The following OR10H5 variants were observed in gnomAD, a reference collection of about 807,000 sequenced individuals.
OR10H5 encodes the protein olfactory receptor 10H5.
OR10H5 carries 7 observed loss-of-function variants against 12.2 expected under a neutral mutation model. The observed-to-expected ratio is 0.57, with a 90% CI of 0.33 to 1.07. The LOEUF (loss-of-function observed/expected upper bound fraction) is 1.07, where lower values mean the gene tolerates loss of function less well. OR10H5 is among the 50% of genes least tolerant of loss of function. OR10H5 has a pLI of 0.04. For synonymous variants in OR10H5, 159 were observed against 175.1 expected (o/e 0.91, Z 0.73); for missense variants, 346 against 411.6 (o/e 0.84, Z 1.38).
chr19:15,790,858 T>C (rs1332268797), intron 1 of OR10H5, among the ~76,000 whole-genome samples: 1 of 152,238 alleles, frequency 6.6e-6, no homozygotes, highest in Middle Eastern at 3.4e-3. Context: ...TGAGAGATAG[T>C]TAGTGACAAT....
At chr19:15,793,263 A>G (rs940163163) in intron 1 of OR10H5, among the ~76,000 whole-genome samples, 1 of 152,060 alleles carries the variant, frequency 6.6e-6, no homozygotes, top group Non-Finnish European at 1.5e-5. Flanking sequence ...AGGACCACAG[A>G]CATGCACCAC....
At chr19:15,793,109 G>GTTTGTT (rs768712963) in intron 1 of OR10H5, among the ~76,000 whole-genome samples, 294 of 152,230 alleles carry the variant, frequency 1.9e-3, no homozygotes, top group Non-Finnish European at 3.3e-3. Context: ...CCTTTACACA[G>GTTTGTT]TTTGTTTTTG....
Position 15,795,318 on chromosome 19 carries a change from C to CTTTTGT in OR10H5, c.*344_*349dup, listed in dbSNP as rs533688725. ...GTCACTCTCTTTCTCCCTCCTTGTTCTTTTGTTTTTGTTTTTGTTTTTGTT... is the reference window on the plus strand; with the variant it reads ...GTCACTCTCTTTCTCCCTCCTTGTTCTTTTGTTTTTGTTTTTGTTTTTGTTTTTGTT... On this transcript the variant is annotated 3_prime_UTR_variant, in exon 2 of 2. Transcript: ENST00000642092. The CTTTTGT allele has an allele frequency of 3.6e-5, 11 of 306,724 alleles. No homozygotes were observed. In the East Asian group the frequency reaches 5.4e-4, roughly 15 times the overall value. The allele number at this position is 306,724 out of a possible 1,614,324, so 19.0% of individuals were successfully genotyped here. A position where few individuals can be genotyped will look rare whatever the true frequency, so the allele number is the denominator to read the frequency against.
intron 1 of OR10H5, among the ~76,000 whole-genome samples, chr19:15,789,628 C>T (rs1386820893): frequency 1.3e-5 from 2 of 152,168 alleles, no homozygotes; most frequent in Non-Finnish European, 2.9e-5. Context: ...GGACCCTGAC[C>T]TTTGTCCTTC....
chr19:15,795,109 T>G lies in OR10H5; in HGVS notation c.*113T>G, dbSNP rs1218445489. 3 of 898,932 alleles carry G rather than the reference T, an allele frequency of 3.3e-6. No individual in the cohort carries two copies. The highest frequency in any genetic ancestry group is 3.3e-6 in the Non-Finnish European group (2 of 614,514). The allele number at this position is 898,932 out of a possible 1,614,324, so 55.7% of individuals were successfully genotyped here. A position where few individuals can be genotyped will look rare whatever the true frequency, so the allele number is the denominator to read the frequency against. ...TTCCTCCCTCCCTCCCTTCCTTCCTTCTTTCCTTCCTCCCTCCCTCCTTTC... is the reference window on the plus strand; with the variant it reads ...TTCCTCCCTCCCTCCCTTCCTTCCTGCTTTCCTTCCTCCCTCCCTCCTTTC... On this transcript the variant is annotated 3_prime_UTR_variant, in exon 2 of 2. Transcript: ENST00000642092.
At position 15,794,946 on chromosome 19, in the gene OR10H5, G is replaced by A. The variant is rs1448617306; in HGVS notation, c.898G>A (p.Val300Ile). 9 of 1,614,056 alleles carry A rather than the reference G, an allele frequency of 5.6e-6. No individual in the cohort carries two copies. In the Admixed American group the frequency reaches 1.2e-4, roughly 21 times the overall value. The part of the protein sequence containing the change: ...IFSLRNKELK[V>I]AMKKTCFTKL... Reference sequence around the variant, plus strand: ...CAGCCTCAGGAACAAGGAGCTGAAGGTCGCCATGAAGAAGACTTGCTTCAC... The same window carrying A: ...CAGCCTCAGGAACAAGGAGCTGAAGATCGCCATGAAGAAGACTTGCTTCAC... The change falls in exon 2 of 2, where the codon GTC becomes ATC. Residue 300 changes from valine to isoleucine, a missense_variant. Coordinates refer to ENST00000642092, the MANE Select transcript of OR10H5 (RefSeq NM_001004466.2).
rs2088834100 is a variant in OR10H5 at position 15,795,184 on chromosome 19, G to C, written c.*188G>C. The C allele has an allele frequency of 2.2e-6, 1 of 461,038 alleles. No individual in the cohort carries two copies. Among genetic ancestry groups the C allele is most frequent in the African/African-American group, 3.4e-5 (1 of 29,172 alleles). 28.6% of individuals were successfully genotyped at this position (461,038 alleles called of 1,614,324 possible). ...CCACCCTCCCTCCCCCCTCCTCCTT[G>C]CCTTCCTTCCATCCTTCCTCCCTCC... On this transcript the variant is annotated 3_prime_UTR_variant, in exon 2 of 2. Transcript: ENST00000642092.
rs1167680610 is a variant in OR10H5, at chr19:15,800,171, G to A, written c.*5175G>A. On this transcript the variant is annotated 3_prime_UTR_variant, in exon 2 of 2. Coordinates refer to ENST00000642092, the MANE Select transcript of OR10H5 (RefSeq NM_001004466.2). ...CATAGCAACTCACTTAGGTCCCTCA[G>A]AGCTTTTATCACAAGTTCCCATATA... 1.3e-5 allele frequency: 2 copies of A among 152,092 alleles called. No individual in the cohort carries two copies. The highest frequency in any genetic ancestry group is 2.4e-5 in the African/African-American group (1 of 41,384). The allele number at this position is 152,092 out of a possible 1,614,324, so 9.4% of individuals were successfully genotyped here. A position where few individuals can be genotyped will look rare whatever the true frequency, so the allele number is the denominator to read the frequency against.
rs1226129773 is a variant in OR10H5 at position 15,799,839 on chromosome 19, T to C, written c.*4843T>C. On this transcript the variant is annotated 3_prime_UTR_variant, in exon 2 of 2. Transcript: ENST00000642092. ...TTCTCCTGTGTCAGACTCCCTGGAA[T>C]TACAGGCGTGCCACCATGCCTGGCT... 2.6e-5 allele frequency: 4 copies of C among 152,026 alleles called. No individual in the cohort carries two copies. The highest frequency in any genetic ancestry group is 4.8e-5 in the African/African-American group (2 of 41,378). The allele number at this position is 152,026 out of a possible 1,614,324, so 9.4% of individuals were successfully genotyped here.
At chr19:15,793,099 C>A (rs996787885) in intron 1 of OR10H5, among the ~76,000 whole-genome samples, 1 of 152,018 alleles carries the variant, frequency 6.6e-6, no homozygotes, top group Non-Finnish European at 1.5e-5. Flanking sequence ...CTTATTTAAA[C>A]CTTTACACAG....
chr19:15,794,062 A>G lies in OR10H5; in HGVS notation c.14A>G (p.Asn5Ser), dbSNP rs530907364. Reference protein sequence around the residue: MQGLNHTSVSEFILV... With the variant: MQGLSHTSVSEFILV... ...GGGGTGGCCGCCATGCAGGGGCTAAACCACACCTCCGTGTCTGAATTCATC... is the reference window on the plus strand; with the variant it reads ...GGGGTGGCCGCCATGCAGGGGCTAAGCCACACCTCCGTGTCTGAATTCATC... The change falls in exon 2 of 2, where the codon AAC (asparagine) becomes AGC (serine). Residue 5 changes from asparagine to serine, a missense_variant. Coordinates refer to ENST00000642092, the MANE Select transcript of OR10H5 (RefSeq NM_001004466.2). The G allele has an allele frequency of 1.9e-6, 3 of 1,613,204 alleles. No individual in the cohort carries two copies. The East Asian group carries it at 6.7e-5, about 36-fold the overall frequency.
rs924320259 is a variant in OR10H5 at position 15,797,393 on chromosome 19, G to A, written c.*2397G>A. The A allele has an allele frequency of 1.3e-5, 2 of 152,202 alleles. No homozygotes were observed. Among genetic ancestry groups the A allele is most frequent in the Non-Finnish European group, 2.9e-5 (2 of 68,054 alleles). The allele number at this position is 152,202 out of a possible 1,614,324, so 9.4% of individuals were successfully genotyped here. ...AACAGGTAAAAATCAGACTGTGTGA[G>A]TTTGAAAGAGTGCAGGAAAGGTGGC... On this transcript the variant is annotated 3_prime_UTR_variant, in exon 2 of 2. Transcript: ENST00000642092.
Position 15,798,956 on chromosome 19 carries a change from C to T in OR10H5, c.*3960C>T, listed in dbSNP as rs2088854288. The T allele has an allele frequency of 6.6e-6, 1 of 152,050 alleles. No homozygotes were observed. The highest frequency in any genetic ancestry group is 1.5e-5 in the Non-Finnish European group (1 of 68,018). 9.4% of individuals were successfully genotyped at this position (152,050 alleles called of 1,614,324 possible). ...ATTTTTAGTAGAGACGGGGTTTCGCCATGTTAGCCAGACTGGTCTCGGACT... is the reference window on the plus strand; with the variant it reads ...ATTTTTAGTAGAGACGGGGTTTCGCTATGTTAGCCAGACTGGTCTCGGACT... On this transcript the variant is annotated 3_prime_UTR_variant, in exon 2 of 2. Coordinates refer to ENST00000642092, the MANE Select transcript of OR10H5 (RefSeq NM_001004466.2).
rs2088851730 is a variant in OR10H5, at chr19:15,798,450, T to C, written c.*3454T>C. ...GCCTTGATAATGGTCCCCTCTGTGATTGGTATCCCCAAGGCAGGACCAGAG... is the reference window on the plus strand; with the variant it reads ...GCCTTGATAATGGTCCCCTCTGTGACTGGTATCCCCAAGGCAGGACCAGAG... On this transcript the variant is annotated 3_prime_UTR_variant, in exon 2 of 2. Coordinates refer to ENST00000642092, the MANE Select transcript of OR10H5 (RefSeq NM_001004466.2). 6.6e-6 allele frequency: 1 copy of C among 152,142 alleles called. No homozygotes were observed. Among genetic ancestry groups the C allele is most frequent in the Non-Finnish European group, 1.5e-5 (1 of 68,072 alleles). 9.4% of individuals were successfully genotyped at this position (152,142 alleles called of 1,614,324 possible).
chr19:15,791,695 ATTTT>A (rs35311102), intron 1 of OR10H5, among the ~76,000 whole-genome samples: 1 of 143,836 alleles, frequency 7.0e-6, no homozygotes. Context: ...AATTATTATT[ATTTT>A]TTTTTTTTTT....
At position 15,799,454 on chromosome 19, in the gene OR10H5, AT is replaced by A. The variant is rs1226828836; in HGVS notation, c.*4464del. 2.6e-5 allele frequency: 4 copies of A among 151,924 alleles called. No individual in the cohort carries two copies. The highest frequency in any genetic ancestry group is 1.3e-4 in the Admixed American group (2 of 15,232). 9.4% of individuals were successfully genotyped at this position (151,924 alleles called of 1,614,324 possible). A position where few individuals can be genotyped will look rare whatever the true frequency, so the allele number is the denominator to read the frequency against. ...AGGTAGAAATAATCAGTTTTCTTGCATTTTTTCCCTCGAAAGACTAAAAAAT... is the reference window on the plus strand; with the variant it reads ...AGGTAGAAATAATCAGTTTTCTTGCATTTTTCCCTCGAAAGACTAAAAAAT... On this transcript the variant is annotated 3_prime_UTR_variant, in exon 2 of 2. Transcript: ENST00000642092.
Position 15,798,679 on chromosome 19 carries a change from C to G in OR10H5, c.*3683C>G, listed in dbSNP as rs2088852688. 1 of 151,872 alleles carries G rather than the reference C, an allele frequency of 6.6e-6. No homozygotes were observed. Among genetic ancestry groups the G allele is most frequent in the Non-Finnish European group, 1.5e-5 (1 of 68,016 alleles). 9.4% of individuals were successfully genotyped at this position (151,872 alleles called of 1,614,324 possible). The stretch of plus-strand genomic sequence containing the variant: ...ATGTGGATAAAAATTCAATCCCCTC[C>G]TCATGGAGGTTGTCCCTCTTGTTTC... On this transcript the variant is annotated 3_prime_UTR_variant, in exon 2 of 2. Transcript: ENST00000642092.
At chr19:15,792,795 C>T (rs563548535) in intron 1 of OR10H5, among the ~76,000 whole-genome samples, 4 of 152,090 alleles carry the variant, frequency 2.6e-5, no homozygotes, top group African/African-American at 9.6e-5. Context: ...GTGTTTATTC[C>T]AGGCCCTGTG....
intron 1 of OR10H5, 51 bp from the exon 2 acceptor site, chr19:15,793,987 C>T: frequency 6.7e-7 from 1 of 1,494,750 alleles, no homozygotes; most frequent in Non-Finnish European, 9.1e-7. Flanking sequence ...AGTCACTAGA[C>T]ACCCCTGTGC....
Sources: gnomAD v4.1 joint callset for allele counts (sites outside exome capture counted in the v4.1 genomes callset) on GRCh38, gnomAD v4.1.1 for gene constraint, MANE v1.5 for transcripts, NCBI Gene and HGNC (gene_info 2026-07-23, HGNC 2026-07-21) for gene names.